The following PCTP variants were observed in gnomAD, a reference collection of about 807,000 sequenced individuals.
PCTP encodes phosphatidylcholine transfer protein.
In PCTP, 27 loss-of-function variants were observed where a neutral mutation model predicts 31.0. That is an observed-to-expected ratio of 0.87 (90% confidence interval 0.64 to 1.20). The LOEUF is 1.20. Ranked by LOEUF, PCTP falls within the 50% of genes most tolerant of loss-of-function variation. PCTP has a pLI of 0.00. For missense variants in PCTP, 287 were observed against 268.2 expected (o/e 1.07, Z -0.49); for synonymous variants, 108 against 101.2 (o/e 1.07, Z -0.40).
At chr17:55,800,627 A>T (rs1360536811) in intron 3 of PCTP, among the ~76,000 whole-genome samples, 1 of 151,824 alleles carries the variant, frequency 6.6e-6, no homozygotes, top group Non-Finnish European at 1.5e-5. Flanking sequence ...GCTGGTGAGG[A>T]GTTGTGATCC....
chr17:55,754,234 C>G (rs1396199667), intron 1 of PCTP, among the ~76,000 whole-genome samples: 1 of 152,312 alleles, frequency 6.6e-6, no homozygotes, highest in Admixed American at 6.5e-5. Context: ...CTTGTAATGC[C>G]AGTTGAAAGC....
chr17:55,758,596 C>T, intron 1 of PCTP, among the ~76,000 whole-genome samples: 1 of 152,188 alleles, frequency 6.6e-6, no homozygotes, highest in Non-Finnish European at 1.5e-5. Flanking sequence ...TTGATAGAAT[C>T]ATTCTTGAGC....
At position 55,763,633 on chromosome 17, in the gene PCTP, C is replaced by T. The variant is rs555992547; in HGVS notation, c.142-3702C>T. On this transcript the variant is annotated intron_variant, in intron 1 of 5. Coordinates refer to ENST00000268896, the MANE Select transcript of PCTP (RefSeq NM_021213.4). ...CAAACTATTTATACCATGTGATTCCCGTTTGATAATGTACAGATGTATTTA... is the reference window on the plus strand; with the variant it reads ...CAAACTATTTATACCATGTGATTCCTGTTTGATAATGTACAGATGTATTTA... Among the ~76,000 whole-genome samples, 13 of 151,678 alleles carry T rather than the reference C, an allele frequency of 8.6e-5. No homozygotes were observed. In the East Asian group the frequency reaches 1.4e-3, roughly 16 times the overall value.
downstream of PCTP, among the ~76,000 whole-genome samples, chr17:55,779,978 C>T (rs1024889777): frequency 2.6e-5 from 4 of 152,114 alleles, no homozygotes; most frequent in African/African-American, 9.7e-5. Flanking sequence ...CAGAGCAGAG[C>T]CATTTAAGGG....
At chr17:55,789,483 T>C (rs1267615638) in intron 3 of PCTP, among the ~76,000 whole-genome samples, 1 of 152,210 alleles carries the variant, frequency 6.6e-6, no homozygotes, top group African/African-American at 2.4e-5. Flanking sequence ...CCTGTCTTGA[T>C]TTAGTAGGTT....
intron 3 of PCTP, among the ~76,000 whole-genome samples, chr17:55,814,453 G>GCC (rs1912850994): frequency 6.6e-6 from 1 of 152,250 alleles, no homozygotes; most frequent in Non-Finnish European, 1.5e-5. Context: ...CTGAGCAGCT[G>GCC]CTCCTGGGGC....
intron 1 of PCTP, among the ~76,000 whole-genome samples, chr17:55,763,421 T>A (rs1910447597): frequency 6.6e-6 from 1 of 152,060 alleles, no homozygotes; most frequent in African/African-American, 2.4e-5. Flanking sequence ...TCCTAAAATT[T>A]ATCTGTAAGA....
intron 3 of PCTP, among the ~76,000 whole-genome samples, chr17:55,808,320 A>T (rs901302703): frequency 6.6e-6 from 1 of 152,204 alleles, no homozygotes; most frequent in African/African-American, 2.4e-5. Flanking sequence ...GATTAACTTC[A>T]CATTCTCTGA....
intron 3 of PCTP, among the ~76,000 whole-genome samples, chr17:55,789,799 T>C (rs1015993306): frequency 3.8e-4 from 58 of 152,276 alleles, no homozygotes; most frequent in Non-Finnish European, 3.1e-4. Context: ...CCTAACTCAT[T>C]TTATGATGCC....
In PCTP at chr17:55,751,532, A is replaced by G. The variant is rs1909713604; in HGVS notation, c.141+288A>G. Reference sequence around the variant, plus strand: ...GTTAATGACAGTTGAAACGTGGGTCAGCTGGTTCCTAGGCCCGTGCACACG... The same window carrying G: ...GTTAATGACAGTTGAAACGTGGGTCGGCTGGTTCCTAGGCCCGTGCACACG... On this transcript the variant is annotated intron_variant, in intron 1 of 5. Coordinates refer to ENST00000268896, the MANE Select transcript of PCTP (RefSeq NM_021213.4). 5.0e-6 allele frequency: 7 copies of G among 1,398,484 alleles called. No homozygotes were observed. In the East Asian group the frequency reaches 1.4e-4, roughly 28 times the overall value. The allele number at this position is 1,398,484 out of a possible 1,614,324, so 86.6% of individuals were successfully genotyped here. A position where few individuals can be genotyped will look rare whatever the true frequency, so the allele number is the denominator to read the frequency against.
chr17:55,790,869 A>G (rs948163840), intron 3 of PCTP, among the ~76,000 whole-genome samples: 3 of 150,466 alleles, frequency 2.0e-5, no homozygotes, highest in African/African-American at 7.5e-5. Context: ...CCAAAAGAAC[A>G]AAGCTGGAGG....
intron 2 of PCTP, among the ~76,000 whole-genome samples, chr17:55,782,583 C>A (rs1266162443): frequency 6.6e-6 from 1 of 152,166 alleles, no homozygotes; most frequent in Non-Finnish European, 1.5e-5. Flanking sequence ...AGACTGGGAA[C>A]TCAAAGCTAG....
At chr17:55,754,454 T>G (rs991591956) in intron 1 of PCTP, among the ~76,000 whole-genome samples, 1 of 152,208 alleles carries the variant, frequency 6.6e-6, no homozygotes, top group Non-Finnish European at 1.5e-5. Flanking sequence ...TTCCATGCCC[T>G]CCTTGGATGC....
chr17:55,814,312 A>C (rs953750457), intron 3 of PCTP, among the ~76,000 whole-genome samples: 1 of 152,224 alleles, frequency 6.6e-6, no homozygotes, highest in African/African-American at 2.4e-5. Flanking sequence ...GGAGAAACAG[A>C]AGAAAAAAAG....
chr17:55,837,671 A>G (rs1477720586), intron 5 of PCTP, among the ~76,000 whole-genome samples: 1 of 152,080 alleles, frequency 6.6e-6, no homozygotes, highest in Non-Finnish European at 1.5e-5. Context: ...AAAATTGTCT[A>G]TTTAATCCCC....
downstream of PCTP, among the ~76,000 whole-genome samples, chr17:55,823,712 C>A (rs1001232388): frequency 1.4e-4 from 22 of 152,296 alleles, no homozygotes; most frequent in Admixed American, 5.2e-4. Context: ...GTAGTCCAGG[C>A]AATTGTCAAG....
intron 1 of PCTP, among the ~76,000 whole-genome samples, chr17:55,757,255 CATAT>C (rs146716506): frequency 6.7e-6 from 1 of 149,656 alleles, no homozygotes; most frequent in African/African-American, 2.5e-5. Flanking sequence ...CATATATACA[CATAT>C]ATGTGTATAT....
At chr17:55,850,387 G>A in the PCTP span, among the ~76,000 whole-genome samples, 2 of 152,088 alleles carry the variant, frequency 1.3e-5, no homozygotes, top group Non-Finnish European at 2.9e-5. Context: ...AACAATAAAT[G>A]GTAGCTGCTC....
At chr17:55,819,034 A>AAAAAAAAAAG (rs1913026449) in intron 3 of PCTP, among the ~76,000 whole-genome samples, 1 of 148,700 alleles carries the variant, frequency 6.7e-6, no homozygotes, top group Non-Finnish European at 1.5e-5. Context: ...AAAAAAAAAA[A>AAAAAAAAAAG]AAAGAAAAGG....
Sources: allele counts gnomAD v4.1 joint callset (sites outside exome capture counted in the v4.1 genomes callset), GRCh38; gene constraint gnomAD v4.1.1; transcripts MANE v1.5; gene names NCBI Gene and HGNC (gene_info 2026-07-23, HGNC 2026-07-21).